The following FLNB variants were observed in gnomAD, a reference collection of about 807,000 sequenced individuals.
The protein encoded by FLNB is filamin-B.
In FLNB, 111 loss-of-function variants were observed where a neutral mutation model predicts 250.6. That is an observed-to-expected ratio of 0.44 (90% confidence interval 0.38 to 0.52). The LOEUF (loss-of-function observed/expected upper bound fraction) is 0.52. Ranked by LOEUF, FLNB falls within the 20% of genes least tolerant of loss-of-function variation. FLNB has a pLI of 0.00. For synonymous variants in FLNB, 1,302 were observed against 1,372.1 expected, an observed-to-expected ratio of 0.95 and a Z score of 1.13; for missense variants, 2,869 against 3,447.8, an observed-to-expected ratio of 0.83 and a Z score of 4.20.
chr3:58,081,034 TTTCTC>T (rs1277873598), intron 3 of FLNB, among the ~76,000 whole-genome samples: 4 of 152,182 alleles, frequency 2.6e-5, no homozygotes, highest in Non-Finnish European at 4.4e-5. Flanking sequence ...CCTCAAGTGA[TTTCTC>T]TTGTCTTGGC....
intron 1 of FLNB, among the ~76,000 whole-genome samples, chr3:58,048,275 C>T (rs950715681): frequency 4.6e-5 from 7 of 152,118 alleles, no homozygotes; most frequent in East Asian, 1.9e-4. Context: ...AAATCAGGCC[C>T]GTTGTCTTGT....
Position 58,142,983 on chromosome 3 carries a change from T to G in FLNB, c.5284+231T>G, listed in dbSNP as rs149143114. 1.6e-3 allele frequency among the ~76,000 whole-genome samples: 241 copies of G among 152,340 alleles called. No individual in the cohort carries two copies. Among genetic ancestry groups the G allele is most frequent in the African/African-American group, 4.6e-3 (191 of 41,576 alleles). ...CAACTTGCATTACTTTCTTGAGCAGTCCCATGATTCTCTCTAGGTTAAAAA... is the reference window on the plus strand; with the variant it reads ...CAACTTGCATTACTTTCTTGAGCAGGCCCATGATTCTCTCTAGGTTAAAAA... On this transcript the variant is annotated intron_variant, in intron 31 of 45. Coordinates refer to ENST00000295956, the MANE Select transcript of FLNB (RefSeq NM_001457.4). This position sits in a 1 kb window ranked among gnomAD's most constrained non-coding sequence, Gnocchi z 4.3.
intron 11 of FLNB, 148 bp downstream of exon 11, chr3:58,105,364 T>G: frequency 1.0e-6 from 1 of 976,344 alleles, no homozygotes; most frequent in South Asian, 1.4e-5. Context: ...CTCTGCGTGC[T>G]GCTGTACATT....
chr3:58,095,022 A>G (rs2107042261), intron 5 of FLNB, 68 bp downstream of exon 5: 1 of 1,200,924 alleles, frequency 8.3e-7, no homozygotes, highest in Non-Finnish European at 1.2e-6. Context: ...TAATGCGGCC[A>G]GGGACTGTGC....
At chr3:58,072,416 T>C (rs1032078188) in intron 1 of FLNB, among the ~76,000 whole-genome samples, 2 of 152,206 alleles carry the variant, frequency 1.3e-5, no homozygotes, top group African/African-American at 4.8e-5. Flanking sequence ...GGCCTTTTCC[T>C]CCTCTTAAGG....
rs1416322993 is a variant in FLNB, at chr3:58,132,927, C to T, written c.4510C>T (p.Arg1504Cys). ...SVKYADEEIP[R>C]SPFKVKVLPT... is the part of the protein sequence containing the mutation. ...TAAATATGCTGATGAAGAGATTCCT[C>T]GCAGGTAAGCTCCATCCATCTGCCC... Residue 1504 changes from arginine to cysteine, a missense_variant, in exon 26 of 46, where the codon CGC (arginine) becomes TGC (cysteine). Physicochemically the swap from Arg to Cys is radical, Grantham distance 180 (BLOSUM62 -3). Around this residue, in one of 5 missense-constraint regions of FLNB, gnomAD observed 126 missense variants for 182.0 expected, o/e 0.69. Transcript: ENST00000295956. 10 of 1,612,564 alleles carry T rather than the reference C, an allele frequency of 6.2e-6. No homozygotes were observed. The Admixed American group carries it at 8.4e-5, about 13-fold the overall frequency.
intron 4 of FLNB, among the ~76,000 whole-genome samples, chr3:58,088,647 A>G (rs1434890118): frequency 6.6e-6 from 1 of 152,190 alleles, no homozygotes; most frequent in Non-Finnish European, 1.5e-5. Context: ...GGGCACAAAC[A>G]CAGAAAGTGC....
At chr3:58,108,762 T>G (rs1056583135) in intron 13 of FLNB, among the ~76,000 whole-genome samples, 191 bp downstream of exon 13, 1 of 152,188 alleles carries the variant, frequency 6.6e-6, no homozygotes, top group African/African-American at 2.4e-5. Context: ...TTTAAAAAAA[T>G]CAGCTTTCTG....
In FLNB at chr3:58,109,664, C is replaced by CTGTTGCCT; in HGVS notation, c.2288_2289insTGTTGCCT (p.His764ValfsTer28). On this transcript the variant is annotated frameshift_variant, in exon 15 of 46. Coordinates refer to ENST00000295956, the MANE Select transcript of FLNB (RefSeq NM_001457.4). LOFTEE classifies it high-confidence loss of function. ...AGTGGTCTGAAGGCAAATGAACCTA[C>CTGTTGCCT]ACACTTCACGGTGGACTGTACTGAG... The CTGTTGCCT allele has an allele frequency of 6.2e-7, 1 of 1,614,116 alleles. No homozygotes were observed. Among genetic ancestry groups the CTGTTGCCT allele is most frequent in the Middle Eastern group, 1.6e-4 (1 of 6,062 alleles).
intron 1 of FLNB, among the ~76,000 whole-genome samples, chr3:58,051,320 A>C (rs1019637493): frequency 2.6e-5 from 4 of 152,338 alleles, no homozygotes; most frequent in South Asian, 2.1e-4. Context: ...GACTGGCCGA[A>C]TCATCCCTTT....
At chr3:58,042,940 A>G (rs980929981) in intron 1 of FLNB, among the ~76,000 whole-genome samples, 2 of 152,150 alleles carry the variant, frequency 1.3e-5, no homozygotes, top group Non-Finnish European at 2.9e-5. Context: ...AATTAATCCC[A>G]GGAGGCCCAA....
intron 1 of FLNB, among the ~76,000 whole-genome samples, chr3:58,015,005 G>A (rs2097103959): frequency 6.6e-6 from 1 of 152,176 alleles, no homozygotes; most frequent in Non-Finnish European, 1.5e-5. Flanking sequence ...GGGATTACAG[G>A]CGTGAGCCAC....
intron 1 of FLNB, among the ~76,000 whole-genome samples, chr3:58,064,537 A>G (rs1489045910): frequency 6.6e-6 from 1 of 152,078 alleles, no homozygotes; most frequent in African/African-American, 2.4e-5. Context: ...TATGTGAGTA[A>G]CTCTAATTCC....
At chr3:58,098,242 C>T (rs2097242531) in intron 7 of FLNB, among the ~76,000 whole-genome samples, 1 of 152,154 alleles carries the variant, frequency 6.6e-6, no homozygotes, top group Admixed American at 6.5e-5. Flanking sequence ...AAGAAGGAAA[C>T]ATTCAACCAT....
intron 33 of FLNB, chr3:58,146,548 T>A: frequency 1.0e-5 from 5 of 478,664 alleles, no homozygotes; most frequent in Non-Finnish European, 1.9e-5. Context: ...CACGGCTCCT[T>A]CCTTTTCTCA....
Position 58,105,175 on chromosome 3 carries a change from A to G in FLNB, c.1706A>G (p.Asp569Gly). ...LHGGIVGRSA[D>G]FVVESIGSEV... ...GGTGGGATTGTCGGGCGGTCAGCGG[A>G]CTTCGTGGTAGAATCCATTGGCTCT... is the stretch of plus-strand genomic sequence containing the variant. The change falls in exon 11 of 46, where the codon GAC becomes GGC. Residue 569 changes from aspartate to glycine, a missense_variant. By Grantham distance (94) the Asp-to-Gly change is moderately conservative. Coordinates refer to ENST00000295956, the MANE Select transcript of FLNB (RefSeq NM_001457.4). 3 of 1,614,110 alleles carry G rather than the reference A, an allele frequency of 1.9e-6. No homozygotes were observed. The highest frequency in any genetic ancestry group is 2.5e-6 in the Non-Finnish European group (3 of 1,180,022).
intron 1 of FLNB, among the ~76,000 whole-genome samples, chr3:58,072,523 G>C (rs1698430582): frequency 6.6e-6 from 1 of 152,178 alleles, no homozygotes; most frequent in Admixed American, 6.5e-5. Flanking sequence ...TGTTGACCCT[G>C]TGATGCTGTG....
In FLNB at chr3:58,146,039, T is replaced by C; in HGVS notation, c.5544T>C (p.Asp1848=). ...CCACCTTCACCATCGTCACAGAGGA[T>C]GCAGGAGAAGGTACTGTGTGGTTTA... ...KTATFTIVTE[D]AGEGGLDLAI... Residue 1848 remains aspartate, a synonymous_variant, in exon 33 of 46, where the codon GAT becomes GAC. Transcript: ENST00000295956. The C allele has an allele frequency of 1.2e-6, 2 of 1,614,224 alleles. No individual in the cohort carries two copies. Among genetic ancestry groups the C allele is most frequent in the South Asian group, 1.1e-5 (1 of 91,084 alleles).
At chr3:58,079,032 C>T (rs2097205468) in intron 3 of FLNB, among the ~76,000 whole-genome samples, 1 of 152,126 alleles carries the variant, frequency 6.6e-6, no homozygotes. Flanking sequence ...TAATGTAGAT[C>T]ATCCAGAAAT....
Sources: gnomAD v4.1 joint callset for allele counts (sites outside exome capture counted in the v4.1 genomes callset) on GRCh38, gnomAD v4.1.1 for gene constraint, gnomAD v4.1.1 regional missense constraint, Gnocchi (gnomAD v3.1) non-coding constraint, MANE v1.5 for transcripts, NCBI Gene and HGNC (gene_info 2026-07-23, HGNC 2026-07-21) for gene names.